AKAP13: variants seen among roughly 807,000 people sequenced by gnomAD.
AKAP13 encodes A-kinase anchor protein 13.
Under a neutral mutation model 264.5 loss-of-function variants are expected in AKAP13, and 80 were observed. That is an observed-to-expected ratio of 0.30 (90% confidence interval 0.25 to 0.36). The LOEUF is 0.36. Ranked by LOEUF, AKAP13 falls within the 10% of genes least tolerant of loss-of-function variation. The probability of loss-of-function intolerance (pLI) is 1.00; values close to 1 mark genes in which losing one functional copy is unlikely to be tolerated. For synonymous variants in AKAP13, 1,380 were observed against 1,250.2 expected, an observed-to-expected ratio of 1.10 and a Z score of -2.19; for missense variants, 3,712 against 3,435.2, an observed-to-expected ratio of 1.08 and a Z score of -2.01.
At position 85,727,833 on chromosome 15, in the gene AKAP13, C is replaced by T. The variant is rs1480994713; in HGVS notation, c.7087+370C>T. Among the ~76,000 whole-genome samples, 1 of 152,194 alleles carries T rather than the reference C, an allele frequency of 6.6e-6. No individual in the cohort carries two copies. Among genetic ancestry groups the T allele is most frequent in the East Asian group, 1.9e-4 (1 of 5,204 alleles). On this transcript the variant is annotated intron_variant, in intron 29 of 36. Coordinates refer to ENST00000394518, the MANE Select transcript of AKAP13 (RefSeq NM_007200.5). The surrounding 1 kb of genome is among the most constrained non-coding windows in gnomAD (Gnocchi z 5.3). ...AAAGGAATTTGGGGAAAAGAATTCT[C>T]CAGTTAATCTGATTTAATCCTCCCC...
chr15:85,485,025 A>T (rs745376369), intron 1 of AKAP13, among the ~76,000 whole-genome samples: 14 of 152,208 alleles, frequency 9.2e-5, no homozygotes, highest in South Asian at 2.1e-4. Context: ...CCTTCTGAGC[A>T]TTTATAGCCT....
At chr15:85,731,638 T>C (rs2088045446) in intron 30 of AKAP13, among the ~76,000 whole-genome samples, 1 of 152,160 alleles carries the variant, frequency 6.6e-6, no homozygotes, top group South Asian at 2.1e-4. Context: ...GGCATAAATA[T>C]CTAGTTGTCT....
At chr15:85,739,590 ATCT>A (rs2088806269) in intron 33 of AKAP13, among the ~76,000 whole-genome samples, 1 of 152,076 alleles carries the variant, frequency 6.6e-6, no homozygotes, top group Admixed American at 6.5e-5. Context: ...TTTGAAAAAA[ATCT>A]TCTGGTTTCT....
chr15:85,562,158 T>C (rs2078404057), intron 5 of AKAP13, among the ~76,000 whole-genome samples: 1 of 152,192 alleles, frequency 6.6e-6, no homozygotes, highest in Admixed American at 6.5e-5. Context: ...CACAGTTCAA[T>C]ATCTGATACA....
At chr15:85,402,889 T>C (rs1428164010) in intron 1 of AKAP13, among the ~76,000 whole-genome samples, 3 of 152,252 alleles carry the variant, frequency 2.0e-5, no homozygotes, top group African/African-American at 7.2e-5. Flanking sequence ...TATGTTCACC[T>C]GCCTTTCTTA....
Position 85,578,965 on chromosome 15 carries a change from C to T in AKAP13, c.897C>T (p.Pro299=). 1 of 1,614,004 alleles carries T rather than the reference C, an allele frequency of 6.2e-7. No individual in the cohort carries two copies. The highest frequency in any genetic ancestry group is 1.1e-5 in the South Asian group (1 of 91,074). Residue 299 remains proline (P), a synonymous_variant, in exon 7 of 37, where the codon CCC becomes CCT. Coordinates refer to ENST00000394518, the MANE Select transcript of AKAP13 (RefSeq NM_007200.5). ...TCAAGCAGATGGACAGTCTTATGCC[C>T]TTAATGATGACAGCACAGGATCCTT... is the stretch of plus-strand genomic sequence containing the variant. ...TNLKQMDSLM[P]LMMTAQDPSS... is the part of the protein sequence containing the mutation.
intron 1 of AKAP13, among the ~76,000 whole-genome samples, chr15:85,410,676 G>T (rs566754645): frequency 1.3e-5 from 2 of 151,534 alleles, no homozygotes; most frequent in Non-Finnish European, 2.9e-5. Flanking sequence ...GGACGTGCTT[G>T]TGCTGTGCTC....
intron 1 of AKAP13, among the ~76,000 whole-genome samples, chr15:85,465,390 G>C (rs557933808): frequency 1.5e-4 from 23 of 151,804 alleles, no homozygotes; most frequent in African/African-American, 5.6e-4. Context: ...TAGGGTACAT[G>C]TGCACAATGT....
chr15:85,723,412 T>A, intron 26 of AKAP13, 92 bp downstream of exon 26: 1 of 1,539,116 alleles, frequency 6.5e-7, no homozygotes, highest in Admixed American at 1.9e-5. Flanking sequence ...CCAGATTTTT[T>A]TCCCAGAGAG....
At chr15:85,533,242 G>A (rs141045224) in intron 3 of AKAP13, among the ~76,000 whole-genome samples, 169 of 152,254 alleles carry the variant, frequency 1.1e-3, no homozygotes, top group African/African-American at 3.9e-3. Context: ...ATGCCTTGAA[G>A]GTCCTTCAGC....
intron 1 of AKAP13, among the ~76,000 whole-genome samples, chr15:85,409,738 C>G (rs962202067): frequency 6.7e-6 from 1 of 149,720 alleles, no homozygotes; most frequent in African/African-American, 2.5e-5. Context: ...ACACGCCATT[C>G]TCCTGCGTCA....
chr15:85,684,230 G>T (rs995154640), intron 15 of AKAP13, among the ~76,000 whole-genome samples: 1 of 152,068 alleles, frequency 6.6e-6, no homozygotes, highest in Non-Finnish European at 1.5e-5. Context: ...TAATTGACAG[G>T]CTCTTTTTAA....
intron 1 of AKAP13, among the ~76,000 whole-genome samples, chr15:85,467,754 G>A (rs977524759): frequency 4.6e-5 from 7 of 152,128 alleles, no homozygotes; most frequent in African/African-American, 1.4e-4. Context: ...GAATTTTGGC[G>A]AATGAGTGAA....
intron 1 of AKAP13, among the ~76,000 whole-genome samples, chr15:85,471,676 G>A (rs1199939255): frequency 1.3e-5 from 2 of 152,058 alleles, no homozygotes; most frequent in Non-Finnish European, 2.9e-5. Context: ...TTTTGTAATC[G>A]CCTCCCCCCA....
intron 2 of AKAP13, among the ~76,000 whole-genome samples, chr15:85,518,204 T>C (rs554709139): frequency 6.6e-6 from 1 of 152,308 alleles, no homozygotes; most frequent in African/African-American, 2.4e-5. Context: ...CAAAAATTGT[T>C]ACCTAGATCT....
chr15:85,632,871 ATT>A lies in AKAP13; in HGVS notation c.4162-6491_4162-6490del, dbSNP rs11327974. Among the ~76,000 whole-genome samples the A allele has an allele frequency of 1.7e-3, 249 of 148,902 alleles. 1 individual carries two copies. The Middle Eastern group carries it at 0.021, about 12-fold the overall frequency. Reference sequence around the variant, plus strand: ...AATGAAAAGTATTCTAAGAAATAAAATTTTTTTTTTTTTGAGGCGGAATCTTG... The same window carrying A: ...AATGAAAAGTATTCTAAGAAATAAAATTTTTTTTTTTGAGGCGGAATCTTG... On this transcript the variant is annotated intron_variant, in intron 8 of 36. Coordinates refer to ENST00000394518, the MANE Select transcript of AKAP13 (RefSeq NM_007200.5).
intron 1 of AKAP13, among the ~76,000 whole-genome samples, chr15:85,428,490 C>T (rs1043641805): frequency 1.3e-5 from 2 of 152,232 alleles, no homozygotes; most frequent in Non-Finnish European, 2.9e-5. Context: ...TGAGCCACCT[C>T]GCCTGGCCTT....
At chr15:85,732,174 T>C (rs758763184) in intron 30 of AKAP13, among the ~76,000 whole-genome samples, 1 of 152,138 alleles carries the variant, frequency 6.6e-6, no homozygotes, top group Non-Finnish European at 1.5e-5. Context: ...GAACACCTCT[T>C]TCTTTGGCTT....
intron 16 of AKAP13, among the ~76,000 whole-genome samples, chr15:85,689,454 C>T (rs894976349): frequency 4.6e-5 from 7 of 152,278 alleles, no homozygotes; most frequent in Middle Eastern, 3.4e-3. Context: ...TGAAGAATCA[C>T]CTTTGATAGT....
Sources: allele counts gnomAD v4.1 joint callset (sites outside exome capture counted in the v4.1 genomes callset), GRCh38; gene constraint gnomAD v4.1.1; non-coding constraint Gnocchi (gnomAD v3.1); transcripts MANE v1.5; gene names NCBI Gene and HGNC (gene_info 2026-07-23, HGNC 2026-07-21).